FAM107B: variants seen among roughly 807,000 people sequenced by gnomAD.
FAM107B encodes the protein family with sequence similarity 107 member B, also known as protein FAM107B.
FAM107B carries 21 observed loss-of-function variants against 31.5 expected under a neutral mutation model. That is an observed-to-expected ratio of 0.67 (90% CI 0.47 to 0.96). The LOEUF (loss-of-function observed/expected upper bound fraction) is 0.96. Ranked by LOEUF, FAM107B falls within the 40% of genes least tolerant of loss-of-function variation. The pLI, the probability that FAM107B is intolerant of heterozygous loss-of-function variation, is 0.00. For missense variants in FAM107B, 452 were observed against 377.1 expected (o/e 1.20, Z -1.64); for synonymous variants, 157 against 141.5 (o/e 1.11, Z -0.78).
intron 2 of FAM107B, among the ~76,000 whole-genome samples, chr10:14,616,091 C>G (rs757872268): frequency 6.6e-6 from 1 of 152,000 alleles, no homozygotes; most frequent in Non-Finnish European, 1.5e-5. Context: ...TATGTCCCTG[C>G]TATGTTAAAT....
At chr10:14,670,977 A>G (rs1245359796) in intron 1 of FAM107B, among the ~76,000 whole-genome samples, 1 of 152,240 alleles carries the variant, frequency 6.6e-6, no homozygotes, top group Non-Finnish European at 1.5e-5. Flanking sequence ...AAATGACAAC[A>G]GTCCAACTGT....
chr10:14,650,397 C>T (rs1416797627), intron 2 of FAM107B, among the ~76,000 whole-genome samples: 4 of 152,000 alleles, frequency 2.6e-5, no homozygotes, highest in Admixed American at 6.6e-5. Flanking sequence ...GCAATTCTCC[C>T]ACCTCAGCTT....
intron 2 of FAM107B, among the ~76,000 whole-genome samples, chr10:14,560,379 C>T (rs1192068070): frequency 2.0e-5 from 3 of 152,162 alleles, no homozygotes; most frequent in Non-Finnish European, 2.9e-5. Flanking sequence ...CATGCTAATT[C>T]AGAAGCAAGC....
chr10:14,573,959 T>TCTCTGCTCC (rs113157226), intron 2 of FAM107B, among the ~76,000 whole-genome samples: 1 of 151,132 alleles, frequency 6.6e-6, no homozygotes, highest in Non-Finnish European at 1.5e-5. Context: ...TTATCTGCTC[T>TCTCTGCTCC]TTCTCTCATA....
At chr10:14,627,145 T>G (rs1006541278) in intron 2 of FAM107B, among the ~76,000 whole-genome samples, 24 of 152,212 alleles carry the variant, frequency 1.6e-4, no homozygotes, top group African/African-American at 5.5e-4. Flanking sequence ...CAGGGCAATT[T>G]AGGTAAATTA....
intron 2 of FAM107B, among the ~76,000 whole-genome samples, chr10:14,574,721 G>C (rs1027647992): frequency 1.7e-4 from 26 of 152,196 alleles, no homozygotes; most frequent in African/African-American, 6.0e-4. Context: ...TGAAGGGTAG[G>C]AAATAAAATT....
At chr10:14,539,233 G>A (rs1455885565) in intron 2 of FAM107B, among the ~76,000 whole-genome samples, 1 of 152,200 alleles carries the variant, frequency 6.6e-6, no homozygotes, top group Non-Finnish European at 1.5e-5. Flanking sequence ...AAGTGCTGTG[G>A]AAGAAAGAAA....
intron 2 of FAM107B, among the ~76,000 whole-genome samples, chr10:14,601,953 C>G (rs1026081555): frequency 1.3e-5 from 2 of 152,196 alleles, no homozygotes; most frequent in Non-Finnish European, 2.9e-5. Flanking sequence ...CGGCGTCCAT[C>G]CTCCCACATC....
chr10:14,733,402 T>C (rs1796637360), intron 1 of FAM107B, among the ~76,000 whole-genome samples: 1 of 152,192 alleles, frequency 6.6e-6, no homozygotes, highest in Admixed American at 6.5e-5. Flanking sequence ...CCACCAAGTT[T>C]CATACAAACC....
chr10:14,541,607 A>G (rs1005803058), intron 2 of FAM107B, among the ~76,000 whole-genome samples: 3 of 152,172 alleles, frequency 2.0e-5, no homozygotes, highest in African/African-American at 4.8e-5. Flanking sequence ...CTGCTGTGGA[A>G]GACTCCACTG....
At chr10:14,737,805 G>A (rs963984783) in intron 1 of FAM107B, among the ~76,000 whole-genome samples, 1 of 72,558 alleles carries the variant, frequency 1.4e-5, no homozygotes, top group African/African-American at 6.4e-5. Flanking sequence ...TCTCTCCTTC[G>A]TTGGCTAAAC....
chr10:14,560,986 A>G (rs1850192677), intron 2 of FAM107B, among the ~76,000 whole-genome samples: 3 of 152,180 alleles, frequency 2.0e-5, no homozygotes, highest in South Asian at 4.1e-4. Context: ...TGTTCCCTAC[A>G]CATCTGTCAA....
intron 2 of FAM107B, among the ~76,000 whole-genome samples, chr10:14,591,500 CG>C (rs1257262509): frequency 3.3e-5 from 5 of 152,264 alleles, no homozygotes; most frequent in Admixed American, 6.5e-5. Context: ...CAGTTTTCCC[CG>C]ATACCCTGGT....
chr10:14,731,242 A>G (rs1003108494), intron 1 of FAM107B, among the ~76,000 whole-genome samples: 1 of 152,178 alleles, frequency 6.6e-6, no homozygotes, highest in Non-Finnish European at 1.5e-5. Context: ...TGGAGCTCTC[A>G]GTCCAGTGAG....
At chr10:14,638,723 C>T (rs1184486444) in intron 2 of FAM107B, among the ~76,000 whole-genome samples, 3 of 152,202 alleles carry the variant, frequency 2.0e-5, no homozygotes, top group African/African-American at 7.2e-5. Flanking sequence ...ACTATTCTCA[C>T]ATCGGCTTCT....
intron 1 of FAM107B, among the ~76,000 whole-genome samples, chr10:14,748,071 T>C (rs182904049): frequency 6.6e-6 from 1 of 152,358 alleles, no homozygotes; most frequent in East Asian, 1.9e-4. Flanking sequence ...CCTCCTCTGA[T>C]GAGGTGGCTC....
At chr10:14,647,142 C>T (rs1008371368) in intron 2 of FAM107B, among the ~76,000 whole-genome samples, 2 of 152,038 alleles carry the variant, frequency 1.3e-5, no homozygotes, top group African/African-American at 4.8e-5. Context: ...GGGCCATTCA[C>T]GTTTTTCCCA....
At chr10:14,750,311 A>AT (rs1361441664) in intron 1 of FAM107B, among the ~76,000 whole-genome samples, 1 of 152,120 alleles carries the variant, frequency 6.6e-6, no homozygotes, top group East Asian at 1.9e-4. Context: ...CTAGAAAAGC[A>AT]TTTTTTTAAA....
At chr10:14,692,924 T>G (rs1855175829) in intron 1 of FAM107B, among the ~76,000 whole-genome samples, 1 of 152,226 alleles carries the variant, frequency 6.6e-6, no homozygotes, top group Non-Finnish European at 1.5e-5. Flanking sequence ...ATAGATCTTA[T>G]AGCTAGAAAC....
Sources: gnomAD v4.1 joint callset for allele counts (sites outside exome capture counted in the v4.1 genomes callset) on GRCh38, gnomAD v4.1.1 for gene constraint, MANE v1.5 for transcripts, NCBI Gene and HGNC (gene_info 2026-07-23, HGNC 2026-07-21) for gene names.